RARB: variants seen among roughly 807,000 people sequenced by gnomAD.
The protein encoded by RARB is HBV-activated protein.
RARB carries 17 observed loss-of-function variants against 51.9 expected under a neutral mutation model. The ratio of observed to expected loss-of-function variants is 0.33; its 90% CI spans 0.22 to 0.49. The LOEUF (loss-of-function observed/expected upper bound fraction) is 0.49. Among genes scored for constraint, RARB ranks in the 20% least tolerant of loss-of-function variants. The pLI is 0.99. For missense variants in RARB, 369 were observed against 550.8 expected (o/e 0.67, Z 3.30); for synonymous variants, 215 against 195.4 (o/e 1.10, Z -0.84).
intron 5 of RARB, among the ~76,000 whole-genome samples, chr3:25,206,309 A>C (rs575211029): frequency 6.6e-6 from 1 of 152,340 alleles, no homozygotes; most frequent in South Asian, 2.1e-4. Flanking sequence ...GGCATTGCCA[A>C]GTGAAATTTG....
chr3:25,340,430 T>G (rs535976610), intron 5 of RARB, among the ~76,000 whole-genome samples: 4 of 152,266 alleles, frequency 2.6e-5, no homozygotes, highest in Admixed American at 2.6e-4. Context: ...TGTTCACAAG[T>G]GATGAGCCAC....
intron 5 of RARB, among the ~76,000 whole-genome samples, chr3:25,189,494 G>A (rs895507791): frequency 2.0e-5 from 3 of 152,212 alleles, no homozygotes; most frequent in African/African-American, 7.2e-5. Context: ...AGGCCAAAAT[G>A]TTCCCTCACA....
chr3:24,907,270 C>T (rs1236050536), intron 2 of RARB, among the ~76,000 whole-genome samples: 2 of 152,146 alleles, frequency 1.3e-5, no homozygotes, highest in Non-Finnish European at 2.9e-5. Flanking sequence ...TTTCCTGGGC[C>T]TTACTCCAGT....
At chr3:25,104,115 G>A (rs1004803731) in intron 3 of RARB, among the ~76,000 whole-genome samples, 6 of 152,108 alleles carry the variant, frequency 3.9e-5, no homozygotes, top group African/African-American at 1.4e-4. Context: ...ATATCAAAAA[G>A]TGTCACTCTG....
intron 4 of RARB, among the ~76,000 whole-genome samples, chr3:25,163,504 A>AAAAAAAAAAAAAATATAT (rs1303712411): frequency 3.2e-4 from 42 of 131,084 alleles, no homozygotes; most frequent in African/African-American, 1.3e-3. Flanking sequence ...CCTATCTCAA[A>AAAAAAAAAAAAAATATAT]ATATATATAT....
At chr3:25,151,475 T>C (rs1241763924) in intron 4 of RARB, among the ~76,000 whole-genome samples, 1 of 152,220 alleles carries the variant, frequency 6.6e-6, no homozygotes, top group African/African-American at 2.4e-5. Flanking sequence ...ACTTTTCCTT[T>C]AAGAGCGTCA....
At chr3:25,395,053 TTTCAAGA>T (rs1431551229) in intron 5 of RARB, among the ~76,000 whole-genome samples, 1 of 152,224 alleles carries the variant, frequency 6.6e-6, no homozygotes, top group African/African-American at 2.4e-5. Context: ...TGAGGTTTTG[TTTCAAGA>T]TTCAGAGCTC....
chr3:25,121,111 A>T (rs1468623078), intron 3 of RARB, among the ~76,000 whole-genome samples: 3 of 152,166 alleles, frequency 2.0e-5, no homozygotes, highest in African/African-American at 4.8e-5. Context: ...AGCCTGAAGA[A>T]GGGGAAGGAT....
chr3:25,226,047 A>G (rs1390316141), intron 5 of RARB, among the ~76,000 whole-genome samples: 2 of 152,222 alleles, frequency 1.3e-5, no homozygotes, highest in Non-Finnish European at 2.9e-5. Flanking sequence ...GATAAAGGCA[A>G]CCGTAGCCTT....
At chr3:25,010,998 TTGA>T (rs1164254517) in intron 2 of RARB, among the ~76,000 whole-genome samples, 2 of 152,170 alleles carry the variant, frequency 1.3e-5, no homozygotes, top group East Asian at 3.9e-4. Context: ...ATCTTTCCTG[TTGA>T]TATCAGTGGC....
chr3:24,913,757 C>G (rs530439978), intron 2 of RARB, among the ~76,000 whole-genome samples: 1 of 152,080 alleles, frequency 6.6e-6, no homozygotes, highest in East Asian at 1.9e-4. Flanking sequence ...ATATTTTGAA[C>G]GTTTTTGGGG....
chr3:25,205,578 A>G (rs572728876), intron 5 of RARB, among the ~76,000 whole-genome samples: 2 of 152,024 alleles, frequency 1.3e-5, no homozygotes, highest in African/African-American at 4.8e-5. Context: ...ACCCACTGCA[A>G]TGTTTTTAAC....
At chr3:24,972,518 C>G (rs563968739) in intron 2 of RARB, among the ~76,000 whole-genome samples, 1 of 151,816 alleles carries the variant, frequency 6.6e-6, no homozygotes, top group Non-Finnish European at 1.5e-5. Flanking sequence ...AGTGGAATTG[C>G]TAGTTCATGT....
intron 5 of RARB, among the ~76,000 whole-genome samples, chr3:25,233,308 T>C (rs1011664257): frequency 6.6e-6 from 1 of 152,162 alleles, no homozygotes; most frequent in African/African-American, 2.4e-5. Context: ...TATAGGTTTA[T>C]CAGAACATAA....
intron 1 of RARB, among the ~76,000 whole-genome samples, chr3:25,455,389 G>A (rs1360794463): frequency 2.0e-5 from 3 of 152,170 alleles, no homozygotes; most frequent in Non-Finnish European, 4.4e-5. Context: ...TAAAGCAAAT[G>A]TCCTTCTCCC....
At chr3:25,312,212 CTAAT>C (rs1704307717) in intron 5 of RARB, among the ~76,000 whole-genome samples, 1 of 152,080 alleles carries the variant, frequency 6.6e-6, no homozygotes, top group African/African-American at 2.4e-5. Flanking sequence ...GGAATTTTGG[CTAAT>C]TACTTTTCTG....
chr3:25,126,116 T>C (rs1699855784), intron 3 of RARB, among the ~76,000 whole-genome samples: 1 of 152,232 alleles, frequency 6.6e-6, no homozygotes, highest in South Asian at 2.1e-4. Context: ...GTGTGTGATA[T>C]ATTGAAGTGC....
chr3:25,227,481 A>G (rs1157417735), intron 5 of RARB, among the ~76,000 whole-genome samples: 3 of 152,158 alleles, frequency 2.0e-5, no homozygotes, highest in African/African-American at 4.8e-5. Flanking sequence ...TATTTCCACA[A>G]CTATTTTTTT....
intron 3 of RARB, among the ~76,000 whole-genome samples, chr3:25,091,150 A>G (rs761011424): frequency 1.1e-4 from 16 of 152,200 alleles, no homozygotes; most frequent in Non-Finnish European, 2.4e-4. Flanking sequence ...ACAACAAGTC[A>G]GTCCCCTGGG....
Sources: gnomAD v4.1 joint callset for allele counts (sites outside exome capture counted in the v4.1 genomes callset) on GRCh38, gnomAD v4.1.1 for gene constraint, MANE v1.5 for transcripts, NCBI Gene and HGNC (gene_info 2026-07-23, HGNC 2026-07-21) for gene names.